Variants in MYO16 observed in about 807,000 individuals in gnomAD.
MYO16 encodes unconventional myosin-XVI.
A neutral mutation model predicts 205.3 loss-of-function variants in MYO16; 94 were observed. That is an observed-to-expected ratio of 0.46 (90% CI 0.39 to 0.54). The LOEUF is 0.54. MYO16 is among the 20% of genes least tolerant of loss of function. The pLI, the probability that MYO16 is intolerant of heterozygous loss-of-function variation, is 0.00. For missense variants in MYO16, 2,315 were observed against 2,387.5 expected (o/e 0.97, Z 0.63); for synonymous variants, 988 against 954.0 (o/e 1.04, Z -0.66).
chr13:108,685,312 CA>C (rs1163208591), intron 2 of MYO16, among the ~76,000 whole-genome samples: 2 of 152,158 alleles, frequency 1.3e-5, no homozygotes, highest in Non-Finnish European at 2.9e-5. Flanking sequence ...TGAGCCACTG[CA>C]CCCAGCCGAG....
intron 23 of MYO16, 128 bp from the exon 24 acceptor site, chr13:109,046,788 G>GT: frequency 1.4e-6 from 1 of 726,764 alleles, no homozygotes; most frequent in Non-Finnish European, 2.3e-6. Context: ...AACGTGAACT[G>GT]TAAGACCTGA....
intron 4 of MYO16, among the ~76,000 whole-genome samples, chr13:108,759,622 CCATCCTGGCTAA>C (rs1885532124): frequency 6.6e-6 from 1 of 152,036 alleles, no homozygotes; most frequent in Non-Finnish European, 1.5e-5. Flanking sequence ...GAGATTGAGA[CCATCCTGGCTAA>C]CACGGTGAAA....
intron 20 of MYO16, among the ~76,000 whole-genome samples, chr13:108,966,823 G>A (rs924547714): frequency 5.3e-5 from 8 of 152,054 alleles, no homozygotes; most frequent in Non-Finnish European, 1.0e-4. Flanking sequence ...AAAGCTTATG[G>A]TTTTGCAGAT....
the MYO16 span, among the ~76,000 whole-genome samples, chr13:108,590,057 C>G: frequency 1.6e-4 from 25 of 152,062 alleles, no homozygotes; most frequent in Non-Finnish European, 3.1e-4. Context: ...TATTATACTG[C>G]TTTTTTAAAA....
At chr13:108,733,565 CTAA>C (rs1433975452) in intron 4 of MYO16, among the ~76,000 whole-genome samples, 41 of 144,100 alleles carry the variant, frequency 2.8e-4, no homozygotes, top group African/African-American at 9.8e-4. Context: ...CCTAAGTGGG[CTAA>C]TAATATCATG....
intron 14 of MYO16, among the ~76,000 whole-genome samples, chr13:108,892,488 A>G (rs1482098978): frequency 6.6e-6 from 1 of 152,000 alleles, no homozygotes; most frequent in African/African-American, 2.4e-5. Flanking sequence ...TGATCTACCC[A>G]CCTCAGCCTC....
At chr13:109,108,148 G>A (rs1889177008) in intron 28 of MYO16, among the ~76,000 whole-genome samples, 2 of 152,164 alleles carry the variant, frequency 1.3e-5, no homozygotes, top group Admixed American at 1.3e-4. Context: ...CCTGAGGACA[G>A]GTGTCATGTC....
Position 109,127,528 on chromosome 13 carries a change from G to A in MYO16, c.4029G>A (p.Ala1343=), listed in dbSNP as rs371834027. The A allele has an allele frequency of 4.3e-6, 7 of 1,611,630 alleles. No individual in the cohort carries two copies. Among genetic ancestry groups the A allele is most frequent in the African/African-American group, 4.0e-5 (3 of 75,058 alleles). ...SYEAVSACLS[A]AREAANEALA... is the part of the protein sequence containing the mutation. ...AGGCTGTGAGCGCCTGCCTCTCCGC[G>A]GCCAGGGAAGCGGCCAACGAAGGTC... Residue 1343 remains alanine, a synonymous_variant, in exon 31 of 35, where the codon GCG becomes GCA. Transcript: ENST00000457511. This position sits in a 1 kb window ranked among gnomAD's most constrained non-coding sequence, Gnocchi z 4.2.
At chr13:108,559,099 T>C in the MYO16 span, among the ~76,000 whole-genome samples, 1 of 152,172 alleles carries the variant, frequency 6.6e-6, no homozygotes, top group Non-Finnish European at 1.5e-5. Flanking sequence ...AATGTGACTT[T>C]ATTTGAAATT....
chr13:108,884,725 GAC>G, intron 13 of MYO16, among the ~76,000 whole-genome samples: 1 of 152,036 alleles, frequency 6.6e-6, no homozygotes, highest in South Asian at 2.1e-4. Flanking sequence ...AAGGCTCTGA[GAC>G]ACGGGCTCTC....
At chr13:108,928,508 G>A (rs1200394966) in intron 16 of MYO16, among the ~76,000 whole-genome samples, 1 of 152,122 alleles carries the variant, frequency 6.6e-6, no homozygotes, top group African/African-American at 2.4e-5. Context: ...TCTTGCATTT[G>A]AATAAGTCAT....
intron 4 of MYO16, among the ~76,000 whole-genome samples, chr13:108,768,201 C>T (rs961368484): frequency 6.6e-6 from 1 of 152,142 alleles, no homozygotes; most frequent in Non-Finnish European, 1.5e-5. Context: ...TTCCTACCGC[C>T]CCTGGCTCCA....
intron 7 of MYO16, among the ~76,000 whole-genome samples, chr13:108,810,574 C>CA (rs1887259324): frequency 6.6e-6 from 1 of 152,080 alleles, no homozygotes; most frequent in Non-Finnish European, 1.5e-5. Context: ...ATTGTTCTCT[C>CA]AAAAAGATGT....
At chr13:108,586,436 G>A in the MYO16 span, among the ~76,000 whole-genome samples, 1 of 152,050 alleles carries the variant, frequency 6.6e-6, no homozygotes, top group Non-Finnish European at 1.5e-5. Flanking sequence ...TACTACTGAA[G>A]GTCCATTTGG....
At chr13:108,535,932 G>T in the MYO16 span, among the ~76,000 whole-genome samples, 1 of 152,144 alleles carries the variant, frequency 6.6e-6, no homozygotes, top group African/African-American at 2.4e-5. Context: ...GAGATGTCCA[G>T]CTGATAAAAG....
intron 9 of MYO16, among the ~76,000 whole-genome samples, chr13:108,841,686 T>C (rs1018006511): frequency 1.3e-5 from 2 of 152,050 alleles, no homozygotes; most frequent in Non-Finnish European, 2.9e-5. Flanking sequence ...AAGAAACCAA[T>C]ATAAATAGTC....
rs148059097 is a variant in MYO16 at position 108,682,692 on chromosome 13, G to C, written c.292+16543G>C. 1.1e-4 allele frequency among the ~76,000 whole-genome samples: 17 copies of C among 152,094 alleles called. 1 individual carries two copies. The highest frequency in any genetic ancestry group is 4.1e-4 in the African/African-American group (17 of 41,412). On this transcript the variant is annotated intron_variant, in intron 2 of 34. Coordinates refer to ENST00000457511, the MANE Select transcript of MYO16 (RefSeq NM_001198950.3). Reference sequence around the variant, plus strand: ...GTCTGGCCTGGGCAGACCATGAGTCGTGCATGGAAGGGTCAGTGATGTGGG... The same window carrying C: ...GTCTGGCCTGGGCAGACCATGAGTCCTGCATGGAAGGGTCAGTGATGTGGG...
Position 108,811,816 on chromosome 13 carries a change from C to G in MYO16, c.867+5012C>G, listed in dbSNP as rs532983853. Among the ~76,000 whole-genome samples the G allele has an allele frequency of 3.3e-5, 5 of 152,294 alleles. No homozygotes were observed. In the South Asian group the frequency reaches 1.0e-3, roughly 32 times the overall value. ...TCTACATCTGGGTTAACCCATCAGC[C>G]TCTAACAGGTTTTTATCCCCCTCCC... On this transcript the variant is annotated intron_variant, in intron 7 of 34. Coordinates refer to ENST00000457511, the MANE Select transcript of MYO16 (RefSeq NM_001198950.3).
intron 23 of MYO16, among the ~76,000 whole-genome samples, chr13:109,033,160 T>C (rs889377347): frequency 1.3e-5 from 2 of 152,132 alleles, no homozygotes; most frequent in African/African-American, 4.8e-5. Context: ...TACAGGGAGT[T>C]GAAGAGTGGC....
Sources: allele counts gnomAD v4.1 joint callset (sites outside exome capture counted in the v4.1 genomes callset), GRCh38; gene constraint gnomAD v4.1.1; non-coding constraint Gnocchi (gnomAD v3.1); transcripts MANE v1.5; gene names NCBI Gene and HGNC (gene_info 2026-07-23, HGNC 2026-07-21).